The following RNF38 variants were observed in gnomAD, a reference collection of about 807,000 sequenced individuals.
RNF38 encodes the protein ring finger protein 38.
In RNF38, 15 loss-of-function variants were observed where a neutral mutation model predicts 67.2. The ratio of observed to expected loss-of-function variants is 0.22; its 90% confidence interval spans 0.15 to 0.34. RNF38 has a LOEUF of 0.34. Ranked by LOEUF, RNF38 falls within the 10% of genes least tolerant of loss-of-function variation. The pLI is 1.00. For missense variants in RNF38, 524 were observed against 639.9 expected (o/e 0.82, Z 1.95); for synonymous variants, 220 against 218.8 (o/e 1.01, Z -0.05).
chr9:36,375,832 G>T, intron 3 of RNF38, 102 bp downstream of exon 3: 2 of 1,035,454 alleles, frequency 1.9e-6, no homozygotes, highest in Non-Finnish European at 2.8e-6. Flanking sequence ...ATGTGGTGAT[G>T]TGTTTATGAA....
At chr9:36,439,451 C>T (rs1428362265) in intron 1 of RNF38, among the ~76,000 whole-genome samples, 5 of 152,030 alleles carry the variant, frequency 3.3e-5, no homozygotes, top group South Asian at 4.2e-4. Context: ...GCTTATATGA[C>T]GTATGTAAAG....
rs1223981354 is a variant in RNF38, at chr9:36,337,673, AACTAT to A, written c.*2074_*2078del. ...GATTTTTTTTCATTAAAAAAGATTA[AACTAT>A]ATGTGATTTGTATGTAGCTGATTAT... On this transcript the variant is annotated 3_prime_UTR_variant, in exon 12 of 12. Coordinates refer to ENST00000259605, the MANE Select transcript of RNF38 (RefSeq NM_022781.5). The A allele has an allele frequency of 6.6e-6, 1 of 152,584 alleles. No individual in the cohort carries two copies. The highest frequency in any genetic ancestry group is 1.5e-5 in the Non-Finnish European group (1 of 68,018). The allele number at this position is 152,584 out of a possible 1,614,324, so 9.5% of individuals were successfully genotyped here.
rs535179799 is a variant in RNF38, at chr9:36,459,283, T to C, written n.241+28025A>G. 2.0e-5 allele frequency among the ~76,000 whole-genome samples: 3 copies of C among 151,964 alleles called. No homozygotes were observed. In the East Asian group the frequency reaches 5.8e-4, roughly 29 times the overall value. On this transcript the variant is annotated intron_variant and non_coding_transcript_variant, in intron 1 of 3. Coordinates refer to the RNF38 transcript ENST00000488058. ...AAAGACTGGGAAAGGGACAGAAATG[T>C]TCTGGGGGAATCTCTAGGGTAAAGG... is the stretch of plus-strand genomic sequence containing the variant.
chr9:36,382,043 T>G (rs1425690239), intron 2 of RNF38, among the ~76,000 whole-genome samples: 3 of 152,272 alleles, frequency 2.0e-5, no homozygotes, highest in Admixed American at 2.0e-4. Flanking sequence ...TGAACTGTCA[T>G]CTCTACTATT....
At chr9:36,412,059 T>A (rs1838340794) in intron 2 of RNF38, among the ~76,000 whole-genome samples, 1 of 152,182 alleles carries the variant, frequency 6.6e-6, no homozygotes, top group Non-Finnish European at 1.5e-5. Flanking sequence ...TGGTCTTTTA[T>A]AAACATGTTG....
At chr9:36,417,303 C>T (rs756621642) in intron 2 of RNF38, among the ~76,000 whole-genome samples, 1 of 152,138 alleles carries the variant, frequency 6.6e-6, no homozygotes, top group African/African-American at 2.4e-5. Context: ...TATGTTCCTG[C>T]GGTAGTTCTT....
At chr9:36,417,295 T>C (rs1356549547) in intron 2 of RNF38, among the ~76,000 whole-genome samples, 1 of 152,208 alleles carries the variant, frequency 6.6e-6, no homozygotes. Flanking sequence ...TTTACTGTTA[T>C]GTTCCTGCGG....
chr9:36,341,688 A>G (rs1448348698), intron 11 of RNF38, among the ~76,000 whole-genome samples: 1 of 152,006 alleles, frequency 6.6e-6, no homozygotes, highest in Non-Finnish European at 1.5e-5. Context: ...TCTGGGCAAC[A>G]TAGTGACACC....
At chr9:36,438,554 C>A (rs563002826) in intron 1 of RNF38, among the ~76,000 whole-genome samples, 10 of 152,002 alleles carry the variant, frequency 6.6e-5, no homozygotes, top group African/African-American at 2.4e-4. Flanking sequence ...CAAGATTCCT[C>A]CCTCCACACC....
intron 1 of RNF38, among the ~76,000 whole-genome samples, chr9:36,427,670 TC>T (rs1466400248): frequency 5.4e-4 from 17 of 31,400 alleles, no homozygotes; most frequent in Admixed American, 7.6e-4. Context: ...TATCTATCTA[TC>T]TATCTATCTA....
At chr9:36,461,039 C>A (rs1400480433) in intron 1 of RNF38, among the ~76,000 whole-genome samples, 1 of 152,106 alleles carries the variant, frequency 6.6e-6, no homozygotes, top group Non-Finnish European at 1.5e-5. Flanking sequence ...ATGGGGGAAA[C>A]CCCGTATCTA....
At chr9:36,477,229 C>A (rs2134436780) in intron 1 of RNF38, among the ~76,000 whole-genome samples, 1 of 150,792 alleles carries the variant, frequency 6.6e-6, no homozygotes, top group Middle Eastern at 3.4e-3. Context: ...GAGGCTGAGG[C>A]AGAGAACTGC....
intron 4 of RNF38, among the ~76,000 whole-genome samples, chr9:36,366,162 C>T (rs1195603259): frequency 6.6e-6 from 1 of 152,000 alleles, no homozygotes; most frequent in Non-Finnish European, 1.5e-5. Context: ...TTTGTTGAAG[C>T]AAATCCCAGG....
chr9:36,476,293 A>AT (rs1441456491), intron 1 of RNF38, among the ~76,000 whole-genome samples: 2 of 151,710 alleles, frequency 1.3e-5, no homozygotes, highest in Admixed American at 6.6e-5. Context: ...TAATTTTTGT[A>AT]TTTTAGTAGA....
chr9:36,471,207 GC>G (rs1839991155), intron 1 of RNF38, among the ~76,000 whole-genome samples: 1 of 152,098 alleles, frequency 6.6e-6, no homozygotes, highest in Non-Finnish European at 1.5e-5. Flanking sequence ...ATTCTGTGAG[GC>G]CCATATCCAA....
intron 1 of RNF38, among the ~76,000 whole-genome samples, chr9:36,461,118 G>A (rs994711102): frequency 1.3e-5 from 2 of 152,030 alleles, no homozygotes; most frequent in Non-Finnish European, 2.9e-5. Flanking sequence ...GGGAGGCTGA[G>A]GCAGGAGAAT....
chr9:36,439,562 C>T lies in RNF38; in HGVS notation n.242-14879G>A, dbSNP rs749037712. Among the ~76,000 whole-genome samples, 8 of 151,940 alleles carry T rather than the reference C, an allele frequency of 5.3e-5. No homozygotes were observed. In the East Asian group the frequency reaches 9.7e-4, roughly 18 times the overall value. On this transcript the variant is annotated intron_variant and non_coding_transcript_variant, in intron 1 of 3. Coordinates refer to the RNF38 transcript ENST00000488058. ...GCTCAAGTCTGTAATCCCAGCACTT[C>T]GGGAGGCTGAGGTGGGAGGATCACT...
At chr9:36,473,512 T>G (rs930891513) in intron 1 of RNF38, among the ~76,000 whole-genome samples, 7 of 151,410 alleles carry the variant, frequency 4.6e-5, no homozygotes, top group Admixed American at 2.0e-4. Flanking sequence ...TGCTTGAACC[T>G]GAGAGGTGGA....
intron 1 of RNF38, among the ~76,000 whole-genome samples, chr9:36,429,730 G>A (rs192494354): frequency 1.2e-4 from 19 of 152,280 alleles, no homozygotes; most frequent in African/African-American, 4.6e-4. Flanking sequence ...GGAGTCAGAG[G>A]TTGTAGTGAG....
Sources: allele counts gnomAD v4.1 joint callset (sites outside exome capture counted in the v4.1 genomes callset), GRCh38; gene constraint gnomAD v4.1.1; transcripts MANE v1.5; gene names NCBI Gene and HGNC (gene_info 2026-07-23, HGNC 2026-07-21).